The following SLC2A13 variants were observed in gnomAD, a reference collection of about 807,000 sequenced individuals.
SLC2A13 encodes proton myo-inositol cotransporter.
In SLC2A13, 32 loss-of-function variants were observed where a neutral mutation model predicts 64.4. The ratio of observed to expected loss-of-function variants is 0.50; its 90% confidence interval spans 0.37 to 0.67. The LOEUF (loss-of-function observed/expected upper bound fraction) is 0.67. Among genes scored for constraint, SLC2A13 ranks in the 30% least tolerant of loss-of-function variants. The pLI is 0.00. For missense variants in SLC2A13, 743 were observed against 829.2 expected, an observed-to-expected ratio of 0.90 and a Z score of 1.28; for synonymous variants, 338 against 327.1, an observed-to-expected ratio of 1.03 and a Z score of -0.36.
chr12:40,002,243 A>T (rs1268844439), intron 3 of SLC2A13, among the ~76,000 whole-genome samples: 2 of 152,222 alleles, frequency 1.3e-5, no homozygotes, highest in Non-Finnish European at 2.9e-5. Context: ...CCTCATAATT[A>T]TCCTATAGTG....
At chr12:39,920,265 G>A (rs1351277084) in intron 4 of SLC2A13, among the ~76,000 whole-genome samples, 1 of 152,122 alleles carries the variant, frequency 6.6e-6, no homozygotes, top group African/African-American at 2.4e-5. Context: ...ATGTGTGTAT[G>A]TAATAAGAGA....
intron 1 of SLC2A13, among the ~76,000 whole-genome samples, chr12:40,084,874 C>T (rs1938540528): frequency 6.6e-6 from 1 of 151,798 alleles, no homozygotes; most frequent in Admixed American, 6.6e-5. Context: ...GACTGGTAGC[C>T]CCTAGGCAGC....
intron 3 of SLC2A13, among the ~76,000 whole-genome samples, chr12:39,977,622 G>A (rs978614912): frequency 6.6e-6 from 1 of 152,208 alleles, no homozygotes; most frequent in African/African-American, 2.4e-5. Context: ...TGTTGCTACA[G>A]CTCAAAATAT....
At chr12:39,947,669 T>C (rs1382539401) in intron 4 of SLC2A13, among the ~76,000 whole-genome samples, 1 of 148,682 alleles carries the variant, frequency 6.7e-6, no homozygotes, top group East Asian at 2.0e-4. Flanking sequence ...TTTTTTTTTT[T>C]TTTTTTTTTG....
chr12:40,060,445 A>G (rs1464492433), intron 1 of SLC2A13, among the ~76,000 whole-genome samples: 1 of 152,184 alleles, frequency 6.6e-6, no homozygotes, highest in Non-Finnish European at 1.5e-5. Flanking sequence ...TACTTATGGA[A>G]AGGGATCAGA....
At chr12:39,876,175 A>G (rs1452937142) in intron 4 of SLC2A13, among the ~76,000 whole-genome samples, 1 of 152,218 alleles carries the variant, frequency 6.6e-6, no homozygotes, top group African/African-American at 2.4e-5. Flanking sequence ...GTAGACATTT[A>G]AGAACAGCCA....
intron 7 of SLC2A13, among the ~76,000 whole-genome samples, chr12:39,810,186 C>T (rs1220212573): frequency 6.6e-6 from 1 of 152,102 alleles, no homozygotes; most frequent in Non-Finnish European, 1.5e-5. Context: ...CGAGTGTGAT[C>T]TACTTAGTTA....
At chr12:40,026,474 C>A (rs1357267447) in intron 3 of SLC2A13, among the ~76,000 whole-genome samples, 1 of 152,068 alleles carries the variant, frequency 6.6e-6, no homozygotes, top group Non-Finnish European at 1.5e-5. Context: ...TTTAAAAATT[C>A]ATTTGGTTAT....
intron 2 of SLC2A13, among the ~76,000 whole-genome samples, chr12:40,032,726 T>C (rs1375689996): frequency 6.6e-6 from 1 of 152,176 alleles, no homozygotes; most frequent in Non-Finnish European, 1.5e-5. Context: ...GAACTAAACA[T>C]TCACTCTCAT....
chr12:40,035,849 A>G (rs1947975387), intron 2 of SLC2A13, among the ~76,000 whole-genome samples: 1 of 152,228 alleles, frequency 6.6e-6, no homozygotes, highest in African/African-American at 2.4e-5. Flanking sequence ...AAGAAGTAAA[A>G]TATGCTCTGA....
Position 39,963,525 on chromosome 12 carries a change from T to C in SLC2A13, c.926-12160A>G, listed in dbSNP as rs138152184. ...AGACCTAGACAACAGGCTCCCATAA[T>C]AAATGACAGTTCTATCAAGTTCAAT... On this transcript the variant is annotated intron_variant, in intron 3 of 9. Coordinates refer to ENST00000280871, the MANE Select transcript of SLC2A13 (RefSeq NM_052885.4). 4.6e-3 allele frequency among the ~76,000 whole-genome samples: 695 copies of C among 152,294 alleles called. 13 individuals carry two copies. The East Asian group carries it at 0.076, about 17-fold the overall frequency.
At chr12:39,870,736 C>T (rs140915325) in intron 5 of SLC2A13, among the ~76,000 whole-genome samples, 149 of 152,304 alleles carry the variant, frequency 9.8e-4, no homozygotes, top group African/African-American at 3.6e-3. Flanking sequence ...ACTGATACTG[C>T]AGTTCAGCAC....
intron 2 of SLC2A13, among the ~76,000 whole-genome samples, chr12:40,036,796 G>A (rs558658813): frequency 6.6e-6 from 1 of 152,104 alleles, no homozygotes; most frequent in South Asian, 2.1e-4. Flanking sequence ...AACTTTTCTG[G>A]TTGAATGAAT....
intron 5 of SLC2A13, among the ~76,000 whole-genome samples, chr12:39,865,912 A>G (rs1943897457): frequency 6.6e-6 from 1 of 152,236 alleles, no homozygotes; most frequent in Non-Finnish European, 1.5e-5. Context: ...AGATGAAAAA[A>G]CTACTTATTG....
At chr12:39,920,651 A>T (rs1452447501) in intron 4 of SLC2A13, among the ~76,000 whole-genome samples, 1 of 152,074 alleles carries the variant, frequency 6.6e-6, no homozygotes, top group Non-Finnish European at 1.5e-5. Context: ...CAATTATATC[A>T]ATCACTAGCT....
In SLC2A13 at chr12:39,829,392, C is replaced by CTTTTTTTTTTTTTTTTTTT. The variant is rs1202354539; in HGVS notation, c.1445+692_1445+710dup. On this transcript the variant is annotated intron_variant, in intron 7 of 9. Coordinates refer to ENST00000280871, the MANE Select transcript of SLC2A13 (RefSeq NM_052885.4). ...AAAAGAATGTAATGTGATAGTAATT[C>CTTTTTTTTTTTTTTTTTTT]TTTTTTTTTTTTTTTTTTTTTTTCT... 34 of 65,796 alleles carry CTTTTTTTTTTTTTTTTTTT rather than the reference C, an allele frequency of 5.2e-4. 7 individuals are homozygous for CTTTTTTTTTTTTTTTTTTT. Among genetic ancestry groups the CTTTTTTTTTTTTTTTTTTT allele is most frequent in the African/African-American group, 8.3e-4 (12 of 14,396 alleles). The allele number at this position is 65,796 out of a possible 1,614,324, so 4.1% of individuals were successfully genotyped here. A position where few individuals can be genotyped will look rare whatever the true frequency, so the allele number is the denominator to read the frequency against.
At chr12:40,058,687 G>C (rs1293975577) in intron 1 of SLC2A13, among the ~76,000 whole-genome samples, 3 of 152,128 alleles carry the variant, frequency 2.0e-5, no homozygotes, top group African/African-American at 7.2e-5. Flanking sequence ...GAAATGGCAG[G>C]CACTAATTAT....
intron 1 of SLC2A13, among the ~76,000 whole-genome samples, chr12:40,067,860 A>C (rs770827240): frequency 3.3e-5 from 5 of 152,066 alleles, no homozygotes; most frequent in Admixed American, 6.6e-5. Context: ...TTTCTTCTTC[A>C]CTGTTTAATC....
intron 6 of SLC2A13, among the ~76,000 whole-genome samples, chr12:39,854,257 A>G (rs1306007880): frequency 6.6e-6 from 1 of 152,202 alleles, no homozygotes; most frequent in Middle Eastern, 3.2e-3. Flanking sequence ...AATAATAATA[A>G]TAACAGTATC....
Sources: gnomAD v4.1 joint callset for allele counts (sites outside exome capture counted in the v4.1 genomes callset) on GRCh38, gnomAD v4.1.1 for gene constraint, MANE v1.5 for transcripts, NCBI Gene and HGNC (gene_info 2026-07-23, HGNC 2026-07-21) for gene names.